The following TBC1D5 variants were observed in gnomAD, a reference collection of about 807,000 sequenced individuals.
The protein encoded by TBC1D5 is TBC1 domain family member 5.
Under a neutral mutation model 100.3 loss-of-function variants are expected in TBC1D5, and 75 were observed. The observed-to-expected ratio is 0.75, with a 90% confidence interval of 0.62 to 0.91. TBC1D5 has a LOEUF of 0.91. Ranked by LOEUF, TBC1D5 falls within the 40% of genes least tolerant of loss-of-function variation. The pLI is 0.00. For synonymous variants in TBC1D5, 323 were observed against 325.6 expected (o/e 0.99, Z 0.09); for missense variants, 910 against 942.4 (o/e 0.97, Z 0.45).
intron 2 of TBC1D5, among the ~76,000 whole-genome samples, chr3:17,557,613 T>C (rs969154897): frequency 5.3e-5 from 8 of 152,092 alleles, no homozygotes; most frequent in African/African-American, 1.7e-4. Context: ...TGTAGTGGCA[T>C]AGTCACTGCT....
chr3:17,304,750 C>T (rs966970992), intron 14 of TBC1D5, among the ~76,000 whole-genome samples: 1 of 152,218 alleles, frequency 6.6e-6, no homozygotes, highest in Admixed American at 6.5e-5. Context: ...AAAACTAGTG[C>T]TGATTCTTGA....
intron 1 of TBC1D5, among the ~76,000 whole-genome samples, chr3:17,675,985 T>C (rs1376336621): frequency 1.3e-5 from 2 of 152,150 alleles, no homozygotes; most frequent in Admixed American, 6.5e-5. Context: ...TTTTTCAATA[T>C]CTTGTATCTT....
intron 4 of TBC1D5, among the ~76,000 whole-genome samples, chr3:17,410,100 C>A (rs1479079741): frequency 2.0e-5 from 3 of 152,086 alleles, no homozygotes; most frequent in African/African-American, 7.2e-5. Context: ...TCTCTTGTTA[C>A]AGGATAATGC....
At chr3:17,426,723 A>C (rs890680703) in intron 4 of TBC1D5, among the ~76,000 whole-genome samples, 1 of 152,016 alleles carries the variant, frequency 6.6e-6, no homozygotes, top group Non-Finnish European at 1.5e-5. Context: ...GAACAAAAAA[A>C]CCCACAAGAT....
At chr3:17,213,733 C>CAAAAAAA (rs71632897) in intron 18 of TBC1D5, among the ~76,000 whole-genome samples, 1 of 61,050 alleles carries the variant, frequency 1.6e-5, no homozygotes, top group African/African-American at 5.9e-5. Flanking sequence ...GACTCTGTCT[C>CAAAAAAA]AAAAAAAAAA....
intron 2 of TBC1D5, among the ~76,000 whole-genome samples, chr3:17,510,994 G>T (rs1230348951): frequency 6.6e-6 from 1 of 151,782 alleles, no homozygotes; most frequent in Non-Finnish European, 1.5e-5. Flanking sequence ...ACATTAATTT[G>T]GCTCTAAATA....
intron 2 of TBC1D5, among the ~76,000 whole-genome samples, chr3:17,601,008 G>A (rs772109165): frequency 6.6e-6 from 1 of 152,188 alleles, no homozygotes; most frequent in East Asian, 1.9e-4. Context: ...ATCCTACTTA[G>A]AATAATAGCC....
intron 1 of TBC1D5, among the ~76,000 whole-genome samples, chr3:17,718,838 A>G (rs1163699748): frequency 6.6e-6 from 1 of 152,180 alleles, no homozygotes; most frequent in African/African-American, 2.4e-5. Context: ...AAGTAAAAAT[A>G]GAATTAAAAA....
chr3:17,620,326 C>T (rs1162767974), intron 2 of TBC1D5, among the ~76,000 whole-genome samples: 4 of 152,188 alleles, frequency 2.6e-5, no homozygotes, highest in Admixed American at 6.5e-5. Context: ...GGAATTTGCC[C>T]TGAAGATACA....
At chr3:17,584,954 C>T (rs1049913966) in intron 2 of TBC1D5, among the ~76,000 whole-genome samples, 1 of 152,144 alleles carries the variant, frequency 6.6e-6, no homozygotes, top group Non-Finnish European at 1.5e-5. Context: ...CTGTGCCCAG[C>T]CAACATTTAT....
At chr3:17,258,405 C>T in intron 16 of TBC1D5, 101 bp downstream of exon 16, 2 of 1,175,638 alleles carry the variant, frequency 1.7e-6, no homozygotes, top group Admixed American at 2.1e-5. Context: ...TGTACATATG[C>T]TAAAATCTGG....
At chr3:17,492,584 G>A (rs2095652704) in intron 3 of TBC1D5, among the ~76,000 whole-genome samples, 1 of 152,074 alleles carries the variant, frequency 6.6e-6, no homozygotes, top group Non-Finnish European at 1.5e-5. Flanking sequence ...ACAGGAATGT[G>A]CCACCAGGTC....
chr3:17,213,733 C>CA (rs71632897), intron 18 of TBC1D5, among the ~76,000 whole-genome samples: 2,163 of 60,928 alleles, frequency 0.036, 235 homozygotes, highest in East Asian at 0.092. Context: ...GACTCTGTCT[C>CA]AAAAAAAAAA....
At chr3:17,706,287 A>G (rs2074152775) in intron 1 of TBC1D5, 1 of 1,538,190 alleles carries the variant, frequency 6.5e-7, no homozygotes, top group Admixed American at 2.0e-5. Context: ...GAGTTGAACT[A>G]GAGGGTCTCA....
At chr3:17,374,713 A>G in intron 10 of TBC1D5, 34 bp from the exon 11 acceptor site, 10 of 1,600,142 alleles carry the variant, frequency 6.2e-6, no homozygotes, top group Non-Finnish European at 8.5e-6. Context: ...CAAAATGTGT[A>G]ATTTTTGAAT....
At chr3:17,719,872 C>T (rs2075549333) in intron 1 of TBC1D5, among the ~76,000 whole-genome samples, 1 of 152,108 alleles carries the variant, frequency 6.6e-6, no homozygotes, top group Non-Finnish European at 1.5e-5. Flanking sequence ...TTTATAGTGT[C>T]TTTTCTAATC....
At chr3:17,451,588 G>C (rs2094928500) in intron 3 of TBC1D5, among the ~76,000 whole-genome samples, 1 of 152,184 alleles carries the variant, frequency 6.6e-6, no homozygotes, top group Admixed American at 6.5e-5. Context: ...GTGGAAGACA[G>C]TGTGGCAATT....
At chr3:17,417,447 C>T (rs1294589287) in intron 4 of TBC1D5, among the ~76,000 whole-genome samples, 3 of 147,108 alleles carry the variant, frequency 2.0e-5, no homozygotes, top group African/African-American at 8.0e-5. Context: ...CGGTGTTTGG[C>T]TTTTTGTTCT....
intron 3 of TBC1D5, among the ~76,000 whole-genome samples, chr3:17,438,033 G>A (rs1402369128): frequency 6.6e-6 from 1 of 152,130 alleles, no homozygotes; most frequent in African/African-American, 2.4e-5. Flanking sequence ...AATATGACCA[G>A]TACTATGTGC....
Sources: allele counts gnomAD v4.1 joint callset (sites outside exome capture counted in the v4.1 genomes callset), GRCh38; gene constraint gnomAD v4.1.1; transcripts MANE v1.5; gene names NCBI Gene and HGNC (gene_info 2026-07-23, HGNC 2026-07-21).